PTPRK: variants seen among roughly 807,000 people sequenced by gnomAD.
PTPRK encodes the protein receptor-type tyrosine-protein phosphatase kappa.
In PTPRK, 75 loss-of-function variants were observed where a neutral mutation model predicts 178.0. The ratio of observed to expected loss-of-function variants is 0.42; its 90% CI spans 0.35 to 0.51. PTPRK has a LOEUF of 0.51. Ranked by LOEUF, PTPRK falls within the 20% of genes least tolerant of loss-of-function variation. PTPRK has a pLI of 0.02. For missense variants in PTPRK, 1,441 were observed against 1,797.8 expected (o/e 0.80, Z 3.59); for synonymous variants, 637 against 620.6 (o/e 1.03, Z -0.39).
intron 13 of PTPRK, among the ~76,000 whole-genome samples, chr6:128,034,007 A>G (rs1000126441): frequency 6.6e-6 from 1 of 152,222 alleles, no homozygotes; most frequent in Non-Finnish European, 1.5e-5. Flanking sequence ...TCTATTCTTT[A>G]TATCTTCATA....
chr6:128,197,773 T>C (rs531481628), intron 6 of PTPRK, among the ~76,000 whole-genome samples: 1 of 151,666 alleles, frequency 6.6e-6, no homozygotes, highest in East Asian at 1.9e-4. Context: ...GAACATGAAA[T>C]AAAGGCACAA....
chr6:128,295,496 T>A (rs1824176427), intron 3 of PTPRK, among the ~76,000 whole-genome samples: 1 of 152,082 alleles, frequency 6.6e-6, no homozygotes, highest in Admixed American at 6.6e-5. Flanking sequence ...AGCAATGATC[T>A]ACTAACACCT....
At chr6:128,506,629 C>A in intron 1 of PTPRK, among the ~76,000 whole-genome samples, 1 of 133,402 alleles carries the variant, frequency 7.5e-6, no homozygotes, top group African/African-American at 3.0e-5. Flanking sequence ...CACTGCATTC[C>A]AGTCTGGTTG....
chr6:128,065,068 G>A (rs540407372), intron 12 of PTPRK, among the ~76,000 whole-genome samples: 184 of 152,218 alleles, frequency 1.2e-3, no homozygotes, highest in African/African-American at 4.2e-3. Flanking sequence ...AAGTAGTATA[G>A]CATTCTATTT....
intron 3 of PTPRK, among the ~76,000 whole-genome samples, chr6:128,297,383 C>A (rs904254225): frequency 6.6e-6 from 1 of 152,186 alleles, no homozygotes; most frequent in Non-Finnish European, 1.5e-5. Flanking sequence ...ACCTAACAGA[C>A]ATCTACAGAT....
In PTPRK at chr6:128,046,356, C is replaced by A. The variant is rs74777299; in HGVS notation, c.2194+18402G>T. 9.5e-3 allele frequency among the ~76,000 whole-genome samples: 1,452 copies of A among 152,140 alleles called. 53 individuals carry two copies. Among genetic ancestry groups the A allele is most frequent in the Admixed American group, 0.062 (948 of 15,252 alleles). Reference sequence around the variant, plus strand: ...AAGAGTGTGATTATCAGCAAGAGTGCTCAGGCACTCAGAGGAAAAACTACA... The same window carrying A: ...AAGAGTGTGATTATCAGCAAGAGTGATCAGGCACTCAGAGGAAAAACTACA... On this transcript the variant is annotated intron_variant, in intron 13 of 29. Transcript: ENST00000368226.
At chr6:128,287,592 T>C (rs1822707952) in intron 3 of PTPRK, among the ~76,000 whole-genome samples, 1 of 152,180 alleles carries the variant, frequency 6.6e-6, no homozygotes, top group African/African-American at 2.4e-5. Context: ...AACCACAGTA[T>C]AGCCACTTTT....
At chr6:128,012,263 AT>A (rs142706416) in intron 13 of PTPRK, among the ~76,000 whole-genome samples, 3,496 of 151,310 alleles carry the variant, frequency 0.023, 81 homozygotes, top group East Asian at 0.09. Flanking sequence ...AATCACATGT[AT>A]TTTTTTAAGT....
At chr6:128,279,743 C>T (rs570223233) in intron 3 of PTPRK, among the ~76,000 whole-genome samples, 6 of 152,152 alleles carry the variant, frequency 3.9e-5, no homozygotes, top group Admixed American at 3.9e-4. Flanking sequence ...CAAAAGTAGC[C>T]ATACAATTTT....
At chr6:128,038,792 G>A (rs1272846161) in intron 13 of PTPRK, among the ~76,000 whole-genome samples, 1 of 152,096 alleles carries the variant, frequency 6.6e-6, no homozygotes, top group Non-Finnish European at 1.5e-5. Context: ...ACAGTTAACT[G>A]CGTTTGTCTC....
chr6:128,015,671 C>T (rs905645750), intron 13 of PTPRK, among the ~76,000 whole-genome samples: 3 of 151,734 alleles, frequency 2.0e-5, no homozygotes, highest in Admixed American at 6.6e-5. Flanking sequence ...CATTTTCAAC[C>T]TCATCTTCTG....
intron 3 of PTPRK, among the ~76,000 whole-genome samples, chr6:128,278,187 C>T (rs903445433): frequency 1.8e-4 from 28 of 151,416 alleles, no homozygotes; most frequent in Admixed American, 8.6e-4. Flanking sequence ...GACGGAGTCT[C>T]GCACTGTAGC....
intron 6 of PTPRK, among the ~76,000 whole-genome samples, chr6:128,202,200 G>C (rs1360303951): frequency 6.6e-6 from 1 of 152,158 alleles, no homozygotes; most frequent in Non-Finnish European, 1.5e-5. Flanking sequence ...ATGAAGAAAA[G>C]CAGGGTGGGG....
chr6:128,355,261 G>A (rs867634878), intron 2 of PTPRK, among the ~76,000 whole-genome samples: 1 of 152,148 alleles, frequency 6.6e-6, no homozygotes, highest in East Asian at 1.9e-4. Flanking sequence ...AGAATAAAGG[G>A]TAAAGCTGCC....
chr6:128,459,186 T>C (rs1165199758), intron 1 of PTPRK, among the ~76,000 whole-genome samples: 3 of 152,082 alleles, frequency 2.0e-5, no homozygotes, highest in Non-Finnish European at 4.4e-5. Flanking sequence ...AGTTTTAATA[T>C]CCAATAAATC....
chr6:127,975,452 T>C (rs1187005281), intron 27 of PTPRK, among the ~76,000 whole-genome samples: 1 of 152,174 alleles, frequency 6.6e-6, no homozygotes, highest in African/African-American at 2.4e-5. Context: ...CATAGTTATA[T>C]ACATATAGAC....
intron 1 of PTPRK, among the ~76,000 whole-genome samples, chr6:128,486,850 AAAT>A: frequency 6.7e-6 from 1 of 149,152 alleles, no homozygotes; most frequent in East Asian, 1.9e-4. Flanking sequence ...GAAAGGAAAA[AAAT>A]AAAAAGGGAG....
chr6:128,038,325 A>T (rs1776570021), intron 13 of PTPRK, among the ~76,000 whole-genome samples: 1 of 152,234 alleles, frequency 6.6e-6, no homozygotes, highest in South Asian at 2.1e-4. Flanking sequence ...ACTTTAAGTT[A>T]ACATTTTTTA....
chr6:128,272,675 G>T (rs1479081283), intron 3 of PTPRK, among the ~76,000 whole-genome samples: 1 of 152,166 alleles, frequency 6.6e-6, no homozygotes, highest in Non-Finnish European at 1.5e-5. Flanking sequence ...TCTCACACCA[G>T]TTAGAATGGC....
Sources: allele counts gnomAD v4.1 joint callset (sites outside exome capture counted in the v4.1 genomes callset), GRCh38; gene constraint gnomAD v4.1.1; transcripts MANE v1.5; gene names NCBI Gene and HGNC (gene_info 2026-07-23, HGNC 2026-07-21).